The following NYNRIN variants were observed in gnomAD, a reference collection of about 807,000 sequenced individuals.
The protein encoded by NYNRIN is protein NYNRIN.
NYNRIN carries 86 observed loss-of-function variants against 146.6 expected under a neutral mutation model. The observed-to-expected ratio is 0.59, with a 90% CI of 0.49 to 0.70. NYNRIN has a LOEUF of 0.70. Among genes scored for constraint, NYNRIN ranks in the 30% least tolerant of loss-of-function variants. NYNRIN has a pLI of 0.00. For missense variants in NYNRIN, 2,191 were observed against 2,377.7 expected, an observed-to-expected ratio of 0.92 and a Z score of 1.63; for synonymous variants, 1,027 against 1,001.3, an observed-to-expected ratio of 1.03 and a Z score of -0.48.
rs2042933156 is a variant in NYNRIN at position 24,414,781 on chromosome 14, A to C, written c.3032A>C (p.Gln1011Pro). The stretch of plus-strand genomic sequence containing the variant: ...GAGCAGAGACAGGGGCAGGGCACAC[A>C]GAAGGCGGCTGAGGAGGACGACCTT... ...DEEQRQGQGT[Q>P]KAAEEDDLDS... Residue 1011 changes from glutamine to proline, a missense_variant, in exon 9 of 9, where the codon CAG becomes CCG. Physicochemically the swap from Gln to Pro is moderately conservative, Grantham distance 76. Transcript: ENST00000382554. 1.2e-6 allele frequency: 2 copies of C among 1,613,764 alleles called. No homozygotes were observed. Among genetic ancestry groups the C allele is most frequent in the Admixed American group, 3.3e-5 (2 of 59,996 alleles).
chr14:24,409,351 GC>G lies in NYNRIN; in HGVS notation c.1558del (p.Gln520LysfsTer10). 6.2e-7 allele frequency: 1 copy of G among 1,614,052 alleles called. No homozygotes were observed. The highest frequency in any genetic ancestry group is 8.5e-7 in the Non-Finnish European group (1 of 1,179,906). Reference protein sequence around the residue: ...EGPAPVLPTGQGKPVAQGGLT... With the variant: ...EGPAPVLPTGXGKPVAQGGLT... ...GACCCGCTCCAGTGCTGCCAACAGG[GC>G]AAGGGAAGCCCGTGGCTCAAGGGGG... is the stretch of plus-strand genomic sequence containing the variant. On this transcript the variant is annotated frameshift_variant, in exon 4 of 9. Transcript: ENST00000382554. LOFTEE classifies it high-confidence loss of function.
intron 2 of NYNRIN, among the ~76,000 whole-genome samples, chr14:24,404,820 T>G (rs72694391): frequency 1.1e-4 from 17 of 152,000 alleles, no homozygotes; most frequent in African/African-American, 3.9e-4. Flanking sequence ...AGAATGAGTT[T>G]CTCTGCGTTT....
At chr14:24,399,201 G>A (rs750004884) in intron 1 of NYNRIN, 29 bp from the exon 2 acceptor site, 3 of 1,586,908 alleles carry the variant, frequency 1.9e-6, no homozygotes, top group African/African-American at 2.7e-5. Flanking sequence ...CCCGAGACCC[G>A]GGTGACACTA....
rs1335593814 is a variant in NYNRIN, at chr14:24,400,334, A to G, written c.198+890A>G. ...GGCCTGTCAGATTCCACTGTCCCCC[A>G]AGGTTTACCTCTTCCCTTAGATTCC... On this transcript the variant is annotated intron_variant, in intron 2 of 8. Coordinates refer to ENST00000382554, the MANE Select transcript of NYNRIN (RefSeq NM_025081.3). Among the ~76,000 whole-genome samples the G allele has an allele frequency of 2.0e-5, 3 of 152,318 alleles. No homozygotes were observed. In the South Asian group the frequency reaches 6.2e-4, roughly 32 times the overall value.
At position 24,417,471 on chromosome 14, in the gene NYNRIN, G is replaced by A; in HGVS notation, c.*25G>A. On this transcript the variant is annotated 3_prime_UTR_variant, in exon 9 of 9. Coordinates refer to ENST00000382554, the MANE Select transcript of NYNRIN (RefSeq NM_025081.3). Reference sequence around the variant, plus strand: ...AGCGGGAGCAGCGGGGGTGCCCCCTGCCCCAGGGCCGTGGGTTTCTGCTGC... The same window carrying A: ...AGCGGGAGCAGCGGGGGTGCCCCCTACCCCAGGGCCGTGGGTTTCTGCTGC... The A allele has an allele frequency of 6.9e-7, 1 of 1,444,890 alleles. No homozygotes were observed. Among genetic ancestry groups the A allele is most frequent in the East Asian group, 2.5e-5 (1 of 40,052 alleles). The allele number at this position is 1,444,890 out of a possible 1,614,324, so 89.5% of individuals were successfully genotyped here.
At position 24,416,183 on chromosome 14, in the gene NYNRIN, G is replaced by C. The variant is rs778926553; in HGVS notation, c.4434G>C (p.Leu1478Phe). 6.2e-7 allele frequency: 1 copy of C among 1,613,994 alleles called. No homozygotes were observed. Among genetic ancestry groups the C allele is most frequent in the Admixed American group, 1.7e-5 (1 of 60,026 alleles). Reference protein sequence around the residue: ...SPHAMGKRPNLLALQLSDSTL... With the variant: ...SPHAMGKRPNFLALQLSDSTL... Reference sequence around the variant, plus strand: ...ATGCCATGGGCAAGAGGCCCAATTTGCTGGCATTACAGCTGAGTGACAGCA... The same window carrying C: ...ATGCCATGGGCAAGAGGCCCAATTTCCTGGCATTACAGCTGAGTGACAGCA... Residue 1478 changes from leucine (L) to phenylalanine (F), a missense_variant, in exon 9 of 9, where the codon TTG becomes TTC. By Grantham distance (22) the Leu-to-Phe change is conservative. This residue lies in a region of NYNRIN where 1,291 missense variants were observed against 1,417.0 expected (regional missense o/e 0.91). Transcript: ENST00000382554.
At position 24,411,286 on chromosome 14, in the gene NYNRIN, C is replaced by T; in HGVS notation, c.2546-68C>T. On this transcript the variant is annotated intron_variant, in intron 5 of 8. Coordinates refer to ENST00000382554, the MANE Select transcript of NYNRIN (RefSeq NM_025081.3). The surrounding 1 kb of genome is among the most constrained non-coding windows in gnomAD (Gnocchi z 4.3). ...CTGCCTTGCTGCCCCGACCCTCTGC[C>T]ACCCCAGAGTGGCCATTTCCACTTA... 1 of 1,612,566 alleles carries T rather than the reference C, an allele frequency of 6.2e-7. No homozygotes were observed. Among genetic ancestry groups the T allele is most frequent in the Non-Finnish European group, 8.5e-7 (1 of 1,178,858 alleles).
In NYNRIN at chr14:24,408,193, G is replaced by T; in HGVS notation, c.523G>T (p.Ala175Ser). The T allele has an allele frequency of 1.2e-6, 2 of 1,600,952 alleles. No individual in the cohort carries two copies. Among genetic ancestry groups the T allele is most frequent in the South Asian group, 1.1e-5 (1 of 90,474 alleles). ...GGTCTGGATCCGTGGTGACCAGCAT[G>T]CAGGGGACCTACTGCAGCTGCCCCC... ...ALVWIRGDQH[A>S]GDLLQLPPAV... Residue 175 changes from alanine (A) to serine (S), a missense_variant, in exon 3 of 9, where the codon GCA (alanine) becomes TCA (serine). This residue lies in a region of NYNRIN where 895 missense variants were observed against 941.2 expected (regional missense o/e 0.95). Coordinates refer to ENST00000382554, the MANE Select transcript of NYNRIN (RefSeq NM_025081.3).
At chr14:24,412,351 A>G (rs2042917726) in intron 6 of NYNRIN, among the ~76,000 whole-genome samples, 1 of 152,188 alleles carries the variant, frequency 6.6e-6, no homozygotes, top group East Asian at 1.9e-4. Context: ...TTCAGGGACT[A>G]CTGAGAAGTA....
In NYNRIN at chr14:24,416,325, A is replaced by C. The variant is rs368652110; in HGVS notation, c.4576A>C (p.Lys1526Gln). Residue 1526 changes from lysine to glutamine, a missense_variant, in exon 9 of 9, where the codon AAG (lysine) becomes CAG (glutamine). Physicochemically the swap from Lys to Gln is moderately conservative, Grantham distance 53. Transcript: ENST00000382554. ...LDKESGLLMF[K>Q]GDKKPRVWVV... ...CAAGGAGAGTGGCCTGCTTATGTTC[A>C]AGGGAGATAAGAAGCCCAGGGTCTG... The C allele has an allele frequency of 1.2e-6, 2 of 1,613,670 alleles. No homozygotes were observed. Among genetic ancestry groups the C allele is most frequent in the African/African-American group, 1.3e-5 (1 of 74,926 alleles).
At chr14:24,403,117 C>T (rs1483586106) in intron 2 of NYNRIN, among the ~76,000 whole-genome samples, 2 of 152,222 alleles carry the variant, frequency 1.3e-5, no homozygotes, top group Admixed American at 6.5e-5. Context: ...GCTAAATCTA[C>T]GTTTAGCATT....
At position 24,408,851 on chromosome 14, in the gene NYNRIN, G is replaced by A. The variant is rs768678577; in HGVS notation, c.1057G>A (p.Gly353Arg). The A allele has an allele frequency of 4.5e-5, 72 of 1,613,906 alleles. No individual in the cohort carries two copies. The highest frequency in any genetic ancestry group is 5.9e-5 in the Non-Finnish European group (70 of 1,179,900). Residue 353 changes from glycine (G) to arginine (R), a missense_variant, in exon 4 of 9, where the codon GGG (glycine) becomes AGG (arginine). Transcript: ENST00000382554. ...VCPPWKAWTP[G>R]PAFGPLWPGA... Reference sequence around the variant, plus strand: ...CCCACCCTGGAAGGCCTGGACCCCGGGGCCAGCCTTTGGGCCATTGTGGCC... The same window carrying A: ...CCCACCCTGGAAGGCCTGGACCCCGAGGCCAGCCTTTGGGCCATTGTGGCC...
rs1455384930 is a variant in NYNRIN at position 24,419,206 on chromosome 14, A to G, written c.*1760A>G. ...TGGTGCTGTATGCGTTCCCCCTGTTAGCTACATTTGTGATCACATACCCTT... is the reference window on the plus strand; with the variant it reads ...TGGTGCTGTATGCGTTCCCCCTGTTGGCTACATTTGTGATCACATACCCTT... On this transcript the variant is annotated 3_prime_UTR_variant, in exon 9 of 9. Transcript: ENST00000382554. The G allele has an allele frequency of 3.9e-5, 6 of 152,024 alleles. No individual in the cohort carries two copies. The highest frequency in any genetic ancestry group is 1.5e-4 in the African/African-American group (6 of 41,360). The allele number at this position is 152,024 out of a possible 1,614,324, so 9.4% of individuals were successfully genotyped here.
Position 24,413,345 on chromosome 14 carries a change from T to C in NYNRIN, c.2774T>C (p.Leu925Pro). 6.2e-7 allele frequency: 1 copy of C among 1,613,358 alleles called. No individual in the cohort carries two copies. Among genetic ancestry groups the C allele is most frequent in the Non-Finnish European group, 8.5e-7 (1 of 1,179,650 alleles). Residue 925 changes from leucine to proline, a missense_variant, in exon 8 of 9, where the codon CTC (leucine) becomes CCC (proline). Around this residue, in one of 3 missense-constraint regions of NYNRIN, gnomAD observed 1,291 missense variants for 1,417.0 expected, o/e 0.91. Transcript: ENST00000382554. ...RLLPFTFAGNLFMVPDDPLGR... is the reference protein window; with the variant it reads ...RLLPFTFAGNPFMVPDDPLGR... ...CTGCCTTTCACCTTTGCGGGGAATC[T>C]CTTCATGGTGCCTGATGACCCCCTG...
At position 24,417,454 on chromosome 14, in the gene NYNRIN, C is replaced by A. The variant is rs756904027; in HGVS notation, c.*8C>A. On this transcript the variant is annotated 3_prime_UTR_variant, in exon 9 of 9. Coordinates refer to ENST00000382554, the MANE Select transcript of NYNRIN (RefSeq NM_025081.3). Reference sequence around the variant, plus strand: ...AAGGTCTTGGAGCAGTGAGCGGGAGCAGCGGGGGTGCCCCCTGCCCCAGGG... The same window carrying A: ...AAGGTCTTGGAGCAGTGAGCGGGAGAAGCGGGGGTGCCCCCTGCCCCAGGG... 6 of 1,461,688 alleles carry A rather than the reference C, an allele frequency of 4.1e-6. No individual in the cohort carries two copies. The highest frequency in any genetic ancestry group is 5.4e-6 in the Non-Finnish European group (6 of 1,106,632). 90.5% of individuals were successfully genotyped at this position (1,461,688 alleles called of 1,614,324 possible). A position where few individuals can be genotyped will look rare whatever the true frequency, so the allele number is the denominator to read the frequency against.
chr14:24,416,623 T>A lies in NYNRIN; in HGVS notation c.4874T>A (p.Val1625Asp). The change falls in exon 9 of 9, where the codon GTC becomes GAC. Residue 1625 changes from valine to aspartate, a missense_variant. Physicochemically the swap from Val to Asp is radical, Grantham distance 152. This residue lies in a region of NYNRIN where 1,291 missense variants were observed against 1,417.0 expected (regional missense o/e 0.91). Transcript: ENST00000382554. ...CTGCAGATCGAGGTGGTGGGCCCGGTCACCATAAGTGAGGAGGGCCATAAG... is the reference window on the plus strand; with the variant it reads ...CTGCAGATCGAGGTGGTGGGCCCGGACACCATAAGTGAGGAGGGCCATAAG... ...SNLQIEVVGPVTISEEGHKHV... is the reference protein window; with the variant it reads ...SNLQIEVVGPDTISEEGHKHV... 1 of 1,613,934 alleles carries A rather than the reference T, an allele frequency of 6.2e-7. No individual in the cohort carries two copies. The highest frequency in any genetic ancestry group is 8.5e-7 in the Non-Finnish European group (1 of 1,179,876).
chr14:24,409,608 A>G lies in NYNRIN; in HGVS notation c.1814A>G (p.Lys605Arg). 6 of 1,609,414 alleles carry G rather than the reference A, an allele frequency of 3.7e-6. No individual in the cohort carries two copies. Among genetic ancestry groups the G allele is most frequent in the Non-Finnish European group, 5.1e-6 (6 of 1,177,802 alleles). ...GCTCAACTGATGGCCACAGCTCAAA[A>G]AACAGTTGTGAATCAACCAGTGTTG... is the stretch of plus-strand genomic sequence containing the variant. Reference protein sequence around the residue: ...PTAQLMATAQKTVVNQPVLVA... With the variant: ...PTAQLMATAQRTVVNQPVLVA... The change falls in exon 4 of 9, where the codon AAA (lysine) becomes AGA (arginine). Residue 605 changes from lysine (K) to arginine (R), a missense_variant. Physicochemically the swap from Lys to Arg is conservative, Grantham distance 26. This residue lies in a region of NYNRIN where 895 missense variants were observed against 941.2 expected (regional missense o/e 0.95). Transcript: ENST00000382554.
chr14:24,409,100 G>T lies in NYNRIN; in HGVS notation c.1306G>T (p.Gly436Trp), dbSNP rs777654963. The change falls in exon 4 of 9, where the codon GGG becomes TGG. Residue 436 changes from glycine to tryptophan, a missense_variant. Around this residue, in one of 3 missense-constraint regions of NYNRIN, gnomAD observed 895 missense variants for 941.2 expected, o/e 0.95. Coordinates refer to ENST00000382554, the MANE Select transcript of NYNRIN (RefSeq NM_025081.3). ...AGAAAGCCCAGCTGGTAGACCAGAT[G>T]GGGGGCTGGGAGGAGAAGCAGCCCT... is the stretch of plus-strand genomic sequence containing the variant. ...SAESPAGRPD[G>W]GLGGEAALQN... 24 of 1,613,570 alleles carry T rather than the reference G, an allele frequency of 1.5e-5. No individual in the cohort carries two copies. The highest frequency in any genetic ancestry group is 6.7e-5 in the African/African-American group (5 of 74,934).
rs1416532208 is a variant in NYNRIN at position 24,417,605 on chromosome 14, G to A, written c.*159G>A. ...CTTTGCTGAATTGCCTTGAACTAGG[G>A]ACCAGCATCCCCATGGAAACATCCC... On this transcript the variant is annotated 3_prime_UTR_variant, in exon 9 of 9. Coordinates refer to ENST00000382554, the MANE Select transcript of NYNRIN (RefSeq NM_025081.3). 9.5e-7 allele frequency: 1 copy of A among 1,053,036 alleles called. No individual in the cohort carries two copies. Among genetic ancestry groups the A allele is most frequent in the African/African-American group, 1.6e-5 (1 of 62,956 alleles). 65.2% of individuals were successfully genotyped at this position (1,053,036 alleles called of 1,614,324 possible).
Sources: gnomAD v4.1 joint callset for allele counts (sites outside exome capture counted in the v4.1 genomes callset) on GRCh38, gnomAD v4.1.1 for gene constraint, gnomAD v4.1.1 regional missense constraint, Gnocchi (gnomAD v3.1) non-coding constraint, MANE v1.5 for transcripts, NCBI Gene and HGNC (gene_info 2026-07-23, HGNC 2026-07-21) for gene names.